AFF3: variants seen among roughly 807,000 people sequenced by gnomAD.
The protein encoded by AFF3 is ALF transcription elongation factor 3.
In AFF3, 32 loss-of-function variants were observed where a neutral mutation model predicts 129.7. The observed-to-expected ratio is 0.25, with a 90% CI of 0.19 to 0.33. AFF3 has a LOEUF of 0.33. Ranked by LOEUF, AFF3 falls within the 10% of genes least tolerant of loss-of-function variation. AFF3 has a pLI of 1.00. For missense variants in AFF3, 1,373 were observed against 1,592.0 expected, an observed-to-expected ratio of 0.86 and a Z score of 2.34; for synonymous variants, 644 against 635.4, an observed-to-expected ratio of 1.01 and a Z score of -0.20.
rs182734229 is a variant in AFF3, at chr2:99,715,269, C to T, written c.1091+11808G>A. On this transcript the variant is annotated intron_variant, in intron 11 of 24. Transcript: ENST00000672756. ...TAATTTTTGTTTTTACCACCCTTAA[C>T]ATCTTCTTAGTTTTCCACGTTTTAG... 4.6e-3 allele frequency among the ~76,000 whole-genome samples: 702 copies of T among 152,298 alleles called. 6 individuals carry two copies. The highest frequency in any genetic ancestry group is 0.016 in the African/African-American group (673 of 41,550).
intron 11 of AFF3, among the ~76,000 whole-genome samples, chr2:99,690,711 C>T (rs1575705401): frequency 6.6e-6 from 1 of 151,894 alleles, no homozygotes; most frequent in Non-Finnish European, 1.5e-5. Flanking sequence ...GCCAGAGCTT[C>T]TCCCAGAAAA....
rs1344257607 is a variant in AFF3 at position 99,582,764 on chromosome 2, G to A, written c.2793+34C>T. The A allele has an allele frequency of 1.9e-6, 3 of 1,606,430 alleles. No homozygotes were observed. The African/African-American group carries it at 4.0e-5, about 21-fold the overall frequency. On this transcript the variant is annotated intron_variant, in intron 17 of 24. Coordinates refer to ENST00000672756, the MANE Select transcript of AFF3 (RefSeq NM_001386135.1). ...GCTTGGGGGTGCTCAATTTCATTTTGGTTTTAATTGGGAAAGGAAGAGCAT... is the reference window on the plus strand; with the variant it reads ...GCTTGGGGGTGCTCAATTTCATTTTAGTTTTAATTGGGAAAGGAAGAGCAT...
intron 11 of AFF3, among the ~76,000 whole-genome samples, chr2:99,700,103 G>C (rs919197418): frequency 6.7e-6 from 1 of 148,818 alleles, no homozygotes; most frequent in African/African-American, 2.5e-5. Flanking sequence ...TCCAGCTGCT[G>C]CAACTTGCTT....
intron 13 of AFF3, among the ~76,000 whole-genome samples, chr2:99,635,002 C>CACACACACAT (rs1558675758): frequency 6.7e-6 from 1 of 149,622 alleles, no homozygotes; most frequent in Non-Finnish European, 1.5e-5. Flanking sequence ...CACACACACA[C>CACACACACAT]ATATGGTTGC....
intron 11 of AFF3, among the ~76,000 whole-genome samples, chr2:99,687,445 G>A (rs1256167439): frequency 1.3e-5 from 2 of 152,210 alleles, no homozygotes; most frequent in South Asian, 2.1e-4. Flanking sequence ...GGTAATGGGA[G>A]TGAGTGGGAG....
At chr2:99,819,538 C>T (rs1008984293) in intron 8 of AFF3, among the ~76,000 whole-genome samples, 1 of 152,170 alleles carries the variant, frequency 6.6e-6, no homozygotes, top group African/African-American at 2.4e-5. Context: ...ATTGGTTTAC[C>T]TCCACAACCA....
At chr2:99,994,108 A>G (rs1326987362) in intron 7 of AFF3, among the ~76,000 whole-genome samples, 2 of 150,174 alleles carry the variant, frequency 1.3e-5, no homozygotes, top group Non-Finnish European at 3.0e-5. Flanking sequence ...TCCCAGCCAA[A>G]CTTAATCTTT....
At chr2:99,599,882 C>G (rs887402750) in intron 14 of AFF3, among the ~76,000 whole-genome samples, 4 of 152,138 alleles carry the variant, frequency 2.6e-5, no homozygotes, top group Non-Finnish European at 5.9e-5. Flanking sequence ...TGAATTATCC[C>G]CATTAGAATG....
At position 99,759,321 on chromosome 2, in the gene AFF3, A is replaced by G. The variant is rs180698175; in HGVS notation, c.922-7020T>C. On this transcript the variant is annotated intron_variant, in intron 8 of 24. Coordinates refer to ENST00000672756, the MANE Select transcript of AFF3 (RefSeq NM_001386135.1). ...AGGAATCCTAATAATCTCTTTTAAG[A>G]GCATTCAGTTTTACTAGGCATAATC... 5.3e-3 allele frequency among the ~76,000 whole-genome samples: 813 copies of G among 152,358 alleles called. 2 individuals are homozygous for G. Among genetic ancestry groups the G allele is most frequent in the Middle Eastern group, 0.031 (9 of 294 alleles).
At chr2:100,060,099 A>T (rs1218954986) in intron 4 of AFF3, among the ~76,000 whole-genome samples, 1 of 152,184 alleles carries the variant, frequency 6.6e-6, no homozygotes, top group Non-Finnish European at 1.5e-5. Flanking sequence ...CACACCCTCC[A>T]TCCTCCTTTG....
intron 10 of AFF3, among the ~76,000 whole-genome samples, chr2:99,729,065 C>T (rs894914302): frequency 4.6e-5 from 7 of 152,058 alleles, no homozygotes; most frequent in African/African-American, 7.2e-5. Context: ...TATATGGATC[C>T]TTTCCCCCAA....
chr2:99,631,071 G>C, intron 13 of AFF3: 1 of 406,330 alleles, frequency 2.5e-6, no homozygotes, highest in South Asian at 1.8e-5. Flanking sequence ...AGCAGAACAC[G>C]GAGTGGGGCT....
intron 7 of AFF3, among the ~76,000 whole-genome samples, chr2:99,971,759 G>T (rs1416424619): frequency 2.0e-5 from 3 of 152,072 alleles, no homozygotes; most frequent in Non-Finnish European, 4.4e-5. Context: ...GGGGAGTCAG[G>T]CCCAGAGCCA....
intron 2 of AFF3, among the ~76,000 whole-genome samples, chr2:100,112,682 C>T (rs969596313): frequency 2.0e-5 from 3 of 151,984 alleles, no homozygotes; most frequent in Admixed American, 6.6e-5. Context: ...AGAGTGAGAC[C>T]CTGTCTCCAA....
chr2:100,069,831 A>C (rs1415854642), intron 4 of AFF3, among the ~76,000 whole-genome samples: 1 of 152,180 alleles, frequency 6.6e-6, no homozygotes, highest in African/African-American at 2.4e-5. Context: ...TTGCTCTTTT[A>C]TAATAATCAG....
intron 11 of AFF3, among the ~76,000 whole-genome samples, chr2:99,709,581 A>G (rs1291747745): frequency 3.9e-5 from 6 of 152,232 alleles, no homozygotes; most frequent in Admixed American, 1.3e-4. Flanking sequence ...ATAAATAGCA[A>G]TATTTTATGT....
At chr2:99,891,430 A>G (rs189260072) in intron 7 of AFF3, among the ~76,000 whole-genome samples, 1 of 152,188 alleles carries the variant, frequency 6.6e-6, no homozygotes, top group Admixed American at 6.5e-5. Flanking sequence ...TGCAGAATAA[A>G]AAGACATGAT....
chr2:100,087,179 C>G (rs1481848478), intron 4 of AFF3, among the ~76,000 whole-genome samples: 2 of 152,170 alleles, frequency 1.3e-5, no homozygotes, highest in Non-Finnish European at 2.9e-5. Flanking sequence ...CAAGCCCCAT[C>G]ACATCCAACT....
chr2:99,664,619 T>A (rs1236976652), intron 12 of AFF3, among the ~76,000 whole-genome samples: 1 of 152,240 alleles, frequency 6.6e-6, no homozygotes, highest in African/African-American at 2.4e-5. Context: ...ATACTTTTGA[T>A]GTTTGGACAG....
Sources: gnomAD v4.1 joint callset for allele counts (sites outside exome capture counted in the v4.1 genomes callset) on GRCh38, gnomAD v4.1.1 for gene constraint, MANE v1.5 for transcripts, NCBI Gene and HGNC (gene_info 2026-07-23, HGNC 2026-07-21) for gene names.